HEMK2: variants seen among roughly 807,000 people sequenced by gnomAD.
The protein encoded by HEMK2 is HemK methyltransferase 2, ETF1 glutamine and histone H4 lysine.
chr21:28,782,228 A>G, the HEMK2 span, among the ~76,000 whole-genome samples: 1 of 152,158 alleles, frequency 6.6e-6, no homozygotes, highest in Non-Finnish European at 1.5e-5. Flanking sequence ...ATTTTAGTTG[A>G]CACATACAGA....
chr21:28,680,371 T>C, the HEMK2 span, among the ~76,000 whole-genome samples: 85 of 152,266 alleles, frequency 5.6e-4, 2 homozygotes, highest in East Asian at 0.015. Flanking sequence ...AATCGCTGAA[T>C]AGATCAATAA....
the HEMK2 span, among the ~76,000 whole-genome samples, chr21:28,796,108 T>TA: frequency 6.6e-6 from 1 of 152,210 alleles, no homozygotes; most frequent in Non-Finnish European, 1.5e-5. Flanking sequence ...AGAAGAGTGA[T>TA]ACTTCAAAGC....
chr21:28,640,761 C>T, the HEMK2 span, among the ~76,000 whole-genome samples: 2 of 152,302 alleles, frequency 1.3e-5, no homozygotes, highest in South Asian at 2.1e-4. Flanking sequence ...TGCCCAGCTG[C>T]CTTCTGGTTT....
the HEMK2 span, among the ~76,000 whole-genome samples, chr21:28,602,484 A>G: frequency 1.3e-5 from 2 of 152,224 alleles, no homozygotes; most frequent in Non-Finnish European, 2.9e-5. Flanking sequence ...ATGGTTCACC[A>G]CATGCCATTC....
At chr21:28,597,280 T>C in the HEMK2 span, among the ~76,000 whole-genome samples, 2 of 152,186 alleles carry the variant, frequency 1.3e-5, no homozygotes, top group Non-Finnish European at 2.9e-5. Context: ...GGGAATTGCC[T>C]GAACAAGCCA....
the HEMK2 span, among the ~76,000 whole-genome samples, chr21:28,811,294 A>AAAGGG: frequency 2.0e-4 from 29 of 146,818 alleles, no homozygotes; most frequent in African/African-American, 6.9e-4. Flanking sequence ...AGAAAAGAAG[A>AAAGGG]AAGGGAAGGG....
chr21:28,828,073 T>C, the HEMK2 span, among the ~76,000 whole-genome samples: 2 of 152,226 alleles, frequency 1.3e-5, no homozygotes, highest in Non-Finnish European at 2.9e-5. Flanking sequence ...GCATAGGCTT[T>C]TCTAAGGTTC....
chr21:28,829,004 G>T, the HEMK2 span, among the ~76,000 whole-genome samples: 6 of 152,166 alleles, frequency 3.9e-5, no homozygotes, highest in Non-Finnish European at 5.9e-5. Flanking sequence ...TACATTCCTG[G>T]TGTTTCTCAA....
chr21:28,686,928 T>A, the HEMK2 span, among the ~76,000 whole-genome samples: 43 of 152,178 alleles, frequency 2.8e-4, no homozygotes, highest in Non-Finnish European at 5.7e-4. Context: ...ATTTCATCAG[T>A]GAGAGCCAAA....
At chr21:28,852,364 C>T in the HEMK2 span, among the ~76,000 whole-genome samples, 49 of 152,182 alleles carry the variant, frequency 3.2e-4, 2 homozygotes, top group Non-Finnish European at 5.9e-5. Flanking sequence ...CCGGGACACA[C>T]TGGACCCACT....
chr21:28,680,399 G>T, the HEMK2 span, among the ~76,000 whole-genome samples: 1 of 152,170 alleles, frequency 6.6e-6, no homozygotes, highest in Non-Finnish European at 1.5e-5. Context: ...TGAAATTGAG[G>T]CAATAATTAA....
the HEMK2 span, among the ~76,000 whole-genome samples, chr21:28,765,130 T>A: frequency 6.6e-6 from 1 of 152,108 alleles, no homozygotes; most frequent in African/African-American, 2.4e-5. Context: ...CAAGTGGGTA[T>A]GTTGAGAAGA....
chr21:28,731,374 G>C, the HEMK2 span, among the ~76,000 whole-genome samples: 1 of 151,982 alleles, frequency 6.6e-6, no homozygotes, highest in Non-Finnish European at 1.5e-5. Flanking sequence ...ATAATTATAC[G>C]TCCCATACTC....
At chr21:28,722,866 A>T in the HEMK2 span, among the ~76,000 whole-genome samples, 2 of 151,300 alleles carry the variant, frequency 1.3e-5, no homozygotes, top group African/African-American at 4.9e-5. Context: ...CCTGGGCAAC[A>T]AGAGCGAAAC....
At chr21:28,789,889 C>G in the HEMK2 span, among the ~76,000 whole-genome samples, 3 of 152,194 alleles carry the variant, frequency 2.0e-5, no homozygotes, top group Non-Finnish European at 4.4e-5. Context: ...CACTCACTCA[C>G]TCACTCATAG....
At chr21:28,882,525 A>T in the HEMK2 span, among the ~76,000 whole-genome samples, 13 of 152,190 alleles carry the variant, frequency 8.5e-5, no homozygotes, top group Non-Finnish European at 1.8e-4. Context: ...ATGAAGGAGT[A>T]CTATGCAGCC....
chr21:28,682,128 G>C, the HEMK2 span, among the ~76,000 whole-genome samples: 2 of 151,756 alleles, frequency 1.3e-5, no homozygotes, highest in African/African-American at 4.8e-5. Context: ...TACAGAATGG[G>C]AGAAAATTTT....
the HEMK2 span, among the ~76,000 whole-genome samples, chr21:28,592,930 G>T: frequency 2.0e-5 from 3 of 152,250 alleles, no homozygotes; most frequent in East Asian, 5.8e-4. Context: ...AGGAATTATG[G>T]TGATGCCAAA....
the HEMK2 span, among the ~76,000 whole-genome samples, chr21:28,739,592 T>C: frequency 2.6e-5 from 4 of 152,238 alleles, no homozygotes; most frequent in African/African-American, 4.8e-5. Flanking sequence ...CAAAAATTAC[T>C]GTCCGGTCAC....
Sources: gnomAD v4.1 joint callset for allele counts (sites outside exome capture counted in the v4.1 genomes callset) on GRCh38, gnomAD v4.1.1 for gene constraint, MANE v1.5 for transcripts, NCBI Gene and HGNC (gene_info 2026-07-23, HGNC 2026-07-21) for gene names.